CNIH3: variants seen among roughly 807,000 people sequenced by gnomAD.
The protein encoded by CNIH3 is cornichon family AMPA receptor auxiliary protein 3, also known as protein cornichon homolog 3.
Under a neutral mutation model 24.1 loss-of-function variants are expected in CNIH3, and 14 were observed. That is an observed-to-expected ratio of 0.58 (90% CI 0.38 to 0.91). The LOEUF is 0.91. Ranked by LOEUF, CNIH3 falls within the 40% of genes least tolerant of loss-of-function variation. The pLI, the probability that CNIH3 is intolerant of heterozygous loss-of-function variation, is 0.00. For synonymous variants in CNIH3, 68 were observed against 73.8 expected (o/e 0.92, Z 0.40); for missense variants, 178 against 196.8 (o/e 0.90, Z 0.57).
At chr1:224,527,869 T>A (rs1678904819) in intron 2 of CNIH3, among the ~76,000 whole-genome samples, 1 of 152,226 alleles carries the variant, frequency 6.6e-6, no homozygotes, top group Non-Finnish European at 1.5e-5. Flanking sequence ...TGTGTATGCA[T>A]ATACATATAT....
chr1:224,712,879 C>T (rs1688229506), intron 3 of CNIH3, among the ~76,000 whole-genome samples: 1 of 152,172 alleles, frequency 6.6e-6, no homozygotes, highest in Non-Finnish European at 1.5e-5. Flanking sequence ...TCAGCTCTTC[C>T]AGGATCTAGT....
chr1:224,587,622 G>A (rs149440575), intron 5 of CNIH3, among the ~76,000 whole-genome samples: 5 of 152,272 alleles, frequency 3.3e-5, no homozygotes, highest in African/African-American at 9.6e-5. Context: ...TGTGGTGTGC[G>A]TATATGTGTA....
intron 3 of CNIH3, among the ~76,000 whole-genome samples, chr1:224,706,137 A>G (rs964596093): frequency 2.0e-5 from 3 of 152,144 alleles, no homozygotes; most frequent in African/African-American, 7.2e-5. Flanking sequence ...TGTTTGGTGA[A>G]TGAAAGCAAA....
chr1:224,735,625 T>C (rs1348911922), intron 5 of CNIH3, among the ~76,000 whole-genome samples: 1 of 150,692 alleles, frequency 6.6e-6, no homozygotes, highest in Non-Finnish European at 1.5e-5. Flanking sequence ...AGAATGTGGC[T>C]GCATTTGTCC....
intron 1 of CNIH3, among the ~76,000 whole-genome samples, chr1:224,652,547 G>T (rs1484215481): frequency 6.6e-6 from 1 of 152,142 alleles, no homozygotes; most frequent in African/African-American, 2.4e-5. Context: ...GGGACTTAAG[G>T]CCCCTTAGGA....
intron 2 of CNIH3, among the ~76,000 whole-genome samples, chr1:224,545,553 C>T (rs969259979): frequency 6.6e-6 from 1 of 152,138 alleles, no homozygotes; most frequent in Non-Finnish European, 1.5e-5. Flanking sequence ...TTTCAGGTCA[C>T]ATTAAGCTTA....
chr1:224,449,127 G>A (rs1006509585), intron 1 of CNIH3, among the ~76,000 whole-genome samples: 1 of 151,868 alleles, frequency 6.6e-6, no homozygotes, highest in Non-Finnish European at 1.5e-5. Context: ...ACCATGACCG[G>A]CTAATTTTTT....
At chr1:224,530,499 C>G (rs1426969841) in intron 2 of CNIH3, among the ~76,000 whole-genome samples, 2 of 152,140 alleles carry the variant, frequency 1.3e-5, no homozygotes, top group African/African-American at 2.4e-5. Context: ...GGATTAGTAT[C>G]CACACTTTAC....
chr1:224,535,501 T>C (rs1679248215), intron 2 of CNIH3, among the ~76,000 whole-genome samples: 1 of 152,192 alleles, frequency 6.6e-6, no homozygotes, highest in Non-Finnish European at 1.5e-5. Context: ...AAGGTTAACG[T>C]GTCTGAAGTT....
chr1:224,591,616 G>A (rs1681758535), downstream of CNIH3, among the ~76,000 whole-genome samples: 1 of 152,130 alleles, frequency 6.6e-6, no homozygotes, highest in South Asian at 2.1e-4. Flanking sequence ...GGTTTTATAG[G>A]TTTCAGATAC....
chr1:224,516,079 G>A (rs947206228), intron 1 of CNIH3, among the ~76,000 whole-genome samples: 9 of 151,986 alleles, frequency 5.9e-5, no homozygotes, highest in African/African-American at 2.2e-4. Flanking sequence ...CACTTTGGGA[G>A]GCCGAGGTGG....
chr1:224,453,777 G>T (rs747363335), intron 1 of CNIH3, among the ~76,000 whole-genome samples: 9 of 152,066 alleles, frequency 5.9e-5, no homozygotes, highest in Non-Finnish European at 1.2e-4. Context: ...CTCCTTCATG[G>T]CTGGGACTAC....
downstream of CNIH3, among the ~76,000 whole-genome samples, chr1:224,590,181 A>G (rs1471871417): frequency 1.3e-5 from 2 of 152,320 alleles, no homozygotes; most frequent in East Asian, 3.9e-4. Context: ...GCTGATATCC[A>G]CTTTTAAATG....
chr1:224,558,478 A>G (rs1254456119), intron 3 of CNIH3, among the ~76,000 whole-genome samples: 3 of 152,172 alleles, frequency 2.0e-5, no homozygotes, highest in African/African-American at 7.2e-5. Context: ...CTGGGTGCAG[A>G]CAGTAAGAGG....
At chr1:224,644,138 G>A (rs1175733955) in intron 1 of CNIH3, among the ~76,000 whole-genome samples, 2 of 152,198 alleles carry the variant, frequency 1.3e-5, no homozygotes, top group Non-Finnish European at 2.9e-5. Context: ...CACATTCAAC[G>A]CATGCTTGGT....
downstream of CNIH3, among the ~76,000 whole-genome samples, chr1:224,540,449 T>C (rs1038613163): frequency 1.3e-5 from 2 of 152,208 alleles, no homozygotes; most frequent in African/African-American, 4.8e-5. Context: ...CTCTCCAATA[T>C]GTCAACAAGT....
upstream of CNIH3, among the ~76,000 whole-genome samples, chr1:224,513,364 G>GA (rs1491557555): frequency 2.1e-5 from 1 of 48,014 alleles, no homozygotes; most frequent in Non-Finnish European, 5.1e-5. Flanking sequence ...GGGGGTGGGA[G>GA]GGGGGGGGTC....
At chr1:224,633,898 A>T (rs1260981972) in intron 1 of CNIH3, among the ~76,000 whole-genome samples, 2 of 152,256 alleles carry the variant, frequency 1.3e-5, no homozygotes, top group African/African-American at 4.8e-5. Context: ...TATTCAGGGA[A>T]AGCAAGATTT....
rs1307706527 is a variant in CNIH3 at position 224,468,840 on chromosome 1, A to AG, written n.203+33978_203+33979insG. On this transcript the variant is annotated intron_variant and non_coding_transcript_variant, in intron 1 of 5. Transcript: ENST00000471578. ...ACCCTGTCTCAAAAAAAAAAAAAAA[A>AG]AAAGAAAGAATGGTGATGCCATGTT... is the stretch of plus-strand genomic sequence containing the variant. Among the ~76,000 whole-genome samples the AG allele has an allele frequency of 2.7e-3, 401 of 149,076 alleles. 3 individuals are homozygous for AG. Among genetic ancestry groups the AG allele is most frequent in the Middle Eastern group, 7.0e-3 (2 of 286 alleles).
Sources: allele counts gnomAD v4.1 joint callset (sites outside exome capture counted in the v4.1 genomes callset), GRCh38; gene constraint gnomAD v4.1.1; transcripts MANE v1.5; gene names NCBI Gene and HGNC (gene_info 2026-07-23, HGNC 2026-07-21).